IRAK1BP1: variants seen among roughly 807,000 people sequenced by gnomAD.
IRAK1BP1 encodes interleukin 1 receptor associated kinase 1 binding protein 1, also known as interleukin-1 receptor-associated kinase 1-binding protein 1.
In IRAK1BP1, 24 loss-of-function variants were observed where a neutral mutation model predicts 28.0. That is an observed-to-expected ratio of 0.86 (90% CI 0.62 to 1.20). The LOEUF (loss-of-function observed/expected upper bound fraction) is 1.20. Ranked by LOEUF, IRAK1BP1 falls within the 50% of genes most tolerant of loss-of-function variation. The pLI, the probability that IRAK1BP1 is intolerant of heterozygous loss-of-function variation, is 0.00. For missense variants in IRAK1BP1, 336 were observed against 316.7 expected, an observed-to-expected ratio of 1.06 and a Z score of -0.46; for synonymous variants, 131 against 116.3, an observed-to-expected ratio of 1.13 and a Z score of -0.81.
At position 78,901,807 on chromosome 6, in the gene IRAK1BP1, T is replaced by G. The variant is rs1772112622; in HGVS notation, c.*3473T>G. On this transcript the variant is annotated 3_prime_UTR_variant, in exon 4 of 4. Transcript: ENST00000369940. ...TTTGACGGTCAATTTGAGTTCAGTG[T>G]AAACAAATAGGACTTAGAAAAATAA... 6.6e-6 allele frequency: 1 copy of G among 152,180 alleles called. No individual in the cohort carries two copies. The highest frequency in any genetic ancestry group is 1.5e-5 in the Non-Finnish European group (1 of 68,016). 9.4% of individuals were successfully genotyped at this position (152,180 alleles called of 1,614,324 possible). A position where few individuals can be genotyped will look rare whatever the true frequency, so the allele number is the denominator to read the frequency against.
intron 4 of IRAK1BP1, among the ~76,000 whole-genome samples, chr6:78,924,861 A>G (rs1321968936): frequency 1.3e-5 from 2 of 152,222 alleles, no homozygotes; most frequent in Non-Finnish European, 2.9e-5. Flanking sequence ...ATAAAGAGAC[A>G]TGCACACATA....
In IRAK1BP1 at chr6:78,940,558, T is replaced by TTTGTTTGTTTTG. The variant is rs1466107215; in HGVS notation, c.*68-4848_*68-4847insGTTTGTTTTGTT. The TTTGTTTGTTTTG allele has an allele frequency of 5.6e-4, 101 of 179,844 alleles. 5 individuals carry two copies. In the South Asian group the frequency reaches 8.6e-3, roughly 15 times the overall value. 11.1% of individuals were successfully genotyped at this position (179,844 alleles called of 1,614,324 possible). A position where few individuals can be genotyped will look rare whatever the true frequency, so the allele number is the denominator to read the frequency against. On this transcript the variant is annotated intron_variant and NMD_transcript_variant, in intron 4 of 4. Transcript: ENST00000606868. ...GTGTCTCGTAAGTTTGTTTTTTTTT[T>TTTGTTTGTTTTG]TTTTTTTTTTTTTGCAAATCAAATC...
At chr6:78,958,284 A>G in the IRAK1BP1 span, 3 of 425,744 alleles carry the variant, frequency 7.0e-6, no homozygotes, top group Non-Finnish European at 1.3e-5. Context: ...TTAGCCAATG[A>G]ACTGTTTCTT....
chr6:78,874,175 C>A (rs1323708647), intron 1 of IRAK1BP1, among the ~76,000 whole-genome samples: 1 of 152,170 alleles, frequency 6.6e-6, no homozygotes, highest in Non-Finnish European at 1.5e-5. Context: ...TCCTACAGTT[C>A]ACTCTAAATA....
At chr6:78,915,466 G>A (rs941031380) in intron 4 of IRAK1BP1, among the ~76,000 whole-genome samples, 2 of 152,136 alleles carry the variant, frequency 1.3e-5, no homozygotes, top group Non-Finnish European at 2.9e-5. Flanking sequence ...ATCAAGGCCC[G>A]AGCAGCTGCA....
At chr6:78,918,575 C>CA (rs1772627981) in intron 4 of IRAK1BP1, among the ~76,000 whole-genome samples, 2 of 7,862 alleles carry the variant, frequency 2.5e-4, no homozygotes, top group African/African-American at 9.7e-4. Flanking sequence ...AAGCCAAAAA[C>CA]AGTAAAAAAA....
intron 2 of IRAK1BP1, among the ~76,000 whole-genome samples, chr6:78,889,290 A>T (rs1465893589): frequency 6.6e-6 from 1 of 152,100 alleles, no homozygotes; most frequent in Non-Finnish European, 1.5e-5. Flanking sequence ...TGGGTTAAAG[A>T]CTTAAGTGTA....
the IRAK1BP1 span, among the ~76,000 whole-genome samples, chr6:78,967,512 G>C: frequency 6.6e-6 from 1 of 152,204 alleles, no homozygotes; most frequent in Admixed American, 6.5e-5. Context: ...CCACCATTGA[G>C]AGTAAGCCTT....
At chr6:78,957,134 T>C in the IRAK1BP1 span, 1 of 152,188 alleles carries the variant, frequency 6.6e-6, no homozygotes, top group African/African-American at 2.4e-5. Flanking sequence ...TGAATCTGAC[T>C]TCAAAGACAT....
Position 78,910,212 on chromosome 6 carries a change from G to A in IRAK1BP1, c.*67+7102G>A, listed in dbSNP as rs572505849. Among the ~76,000 whole-genome samples the A allele has an allele frequency of 2.0e-5, 3 of 152,314 alleles. No individual in the cohort carries two copies. In the South Asian group the frequency reaches 6.2e-4, roughly 32 times the overall value. On this transcript the variant is annotated intron_variant and NMD_transcript_variant, in intron 4 of 4. Coordinates refer to the IRAK1BP1 transcript ENST00000606868. ...GCTCGGGGAGGGGAAAAGGGGACTG[G>A]ACGGAGGGCACGGCAGGATGGCCTA...
chr6:78,961,487 G>A, the IRAK1BP1 span, among the ~76,000 whole-genome samples: 3 of 151,920 alleles, frequency 2.0e-5, no homozygotes, highest in Non-Finnish European at 2.9e-5. Flanking sequence ...CAGCAGCATC[G>A]ACATTACTGG....
At chr6:78,968,092 G>A in the IRAK1BP1 span, among the ~76,000 whole-genome samples, 31 of 152,148 alleles carry the variant, frequency 2.0e-4, no homozygotes, top group African/African-American at 7.0e-4. Context: ...CCAAGATCAC[G>A]GCACTGCACT....
the IRAK1BP1 span, among the ~76,000 whole-genome samples, chr6:78,951,567 T>C: frequency 1.5e-4 from 23 of 152,314 alleles, no homozygotes; most frequent in African/African-American, 5.5e-4. Context: ...TGACAGTAAT[T>C]AACAAAACAA....
intron 4 of IRAK1BP1, among the ~76,000 whole-genome samples, chr6:78,925,770 G>A (rs1772870708): frequency 6.6e-6 from 1 of 151,980 alleles, no homozygotes; most frequent in South Asian, 2.1e-4. Flanking sequence ...TTCATAATAG[G>A]AAAAAGATGG....
At chr6:78,947,194 T>G (rs572628710), downstream of IRAK1BP1, among the ~76,000 whole-genome samples, 1 of 152,324 alleles carries the variant, frequency 6.6e-6, no homozygotes. Context: ...TTGAACCTGT[T>G]TTCTATCTAG....
downstream of IRAK1BP1, chr6:78,903,139 AAAG>A (rs1772164074): frequency 8.6e-7 from 1 of 1,159,516 alleles, no homozygotes; most frequent in Non-Finnish European, 1.2e-6. Flanking sequence ...AGAGTGAGAA[AAAG>A]AAGACTAAGA....
intron 1 of IRAK1BP1, among the ~76,000 whole-genome samples, chr6:78,874,681 T>A (rs1321068461): frequency 1.3e-5 from 2 of 152,184 alleles, no homozygotes; most frequent in African/African-American, 4.8e-5. Context: ...ATACAAAAAA[T>A]TTCTATTTAT....
chr6:78,896,441 G>A (rs1345370876), intron 2 of IRAK1BP1, among the ~76,000 whole-genome samples: 3 of 151,738 alleles, frequency 2.0e-5, no homozygotes, highest in Non-Finnish European at 4.4e-5. Flanking sequence ...AATACATTAT[G>A]CTAAATGAAA....
intron 4 of IRAK1BP1, among the ~76,000 whole-genome samples, chr6:78,931,145 A>T (rs754667345): frequency 1.3e-5 from 2 of 152,056 alleles, no homozygotes; most frequent in Non-Finnish European, 2.9e-5. Context: ...TCATGCATGT[A>T]ATCTTAGCAC....
Sources: gnomAD v4.1 joint callset for allele counts (sites outside exome capture counted in the v4.1 genomes callset) on GRCh38, gnomAD v4.1.1 for gene constraint, MANE v1.5 for transcripts, NCBI Gene and HGNC (gene_info 2026-07-23, HGNC 2026-07-21) for gene names.